VWF: variants seen among roughly 807,000 people sequenced by gnomAD.
VWF encodes von Willebrand factor, also known as Factor VIII related antigen.
VWF carries 176 observed loss-of-function variants against 308.6 expected under a neutral mutation model. That is an observed-to-expected ratio of 0.57 (90% CI 0.50 to 0.65). The LOEUF is 0.65. Among genes scored for constraint, VWF ranks in the 30% least tolerant of loss-of-function variants. VWF has a pLI of 0.00. For missense variants in VWF, 3,146 were observed against 3,648.2 expected, an observed-to-expected ratio of 0.86 and a Z score of 3.55; for synonymous variants, 1,385 against 1,443.4, an observed-to-expected ratio of 0.96 and a Z score of 0.92.
chr12:6,096,690 T>C (rs909276043), intron 5 of VWF, among the ~76,000 whole-genome samples: 2 of 152,212 alleles, frequency 1.3e-5, no homozygotes, highest in East Asian at 1.9e-4. Flanking sequence ...TTAGTACTTA[T>C]AGTGCTCATG....
At chr12:5,999,640 C>G (rs534047333) in intron 34 of VWF, among the ~76,000 whole-genome samples, 1 of 152,022 alleles carries the variant, frequency 6.6e-6, no homozygotes, top group East Asian at 1.9e-4. Flanking sequence ...AAATGAGAAC[C>G]AACACTCCTC....
At chr12:6,085,677 C>A (rs1029407376) in intron 6 of VWF, among the ~76,000 whole-genome samples, 1 of 135,808 alleles carries the variant, frequency 7.4e-6, no homozygotes, top group Admixed American at 9.0e-5. Flanking sequence ...AACACATGGA[C>A]ACAGGGAGGG....
Position 6,056,944 on chromosome 12 carries a change from C to CG in VWF, c.1857dup (p.Glu620ArgfsTer30). On this transcript the variant is annotated frameshift_variant, in exon 15 of 52. Coordinates refer to ENST00000261405, the MANE Select transcript of VWF (RefSeq NM_000552.5). LOFTEE classifies it high-confidence loss of function. ...CTGGCCAGGGCGCCGCACAGGCACTCGCGGCCGTCCGAGCAGGAGCACACG... is the reference window on the plus strand; with the variant it reads ...CTGGCCAGGGCGCCGCACAGGCACTCGGCGGCCGTCCGAGCAGGAGCACACG... 6.5e-7 allele frequency: 1 copy of CG among 1,536,774 alleles called. No individual in the cohort carries two copies. The highest frequency in any genetic ancestry group is 8.7e-7 in the Non-Finnish European group (1 of 1,146,582).
At chr12:6,081,030 G>A (rs75149116) in intron 6 of VWF, among the ~76,000 whole-genome samples, 2,116 of 152,262 alleles carry the variant, frequency 0.014, 51 homozygotes, top group African/African-American at 0.047. Flanking sequence ...CTCAGTCACG[G>A]GGGGCTATTG....
intron 19 of VWF, among the ~76,000 whole-genome samples, chr12:6,035,685 A>G (rs1214990731): frequency 6.6e-6 from 1 of 152,220 alleles, no homozygotes; most frequent in African/African-American, 2.4e-5. Context: ...GCCTGCAACG[A>G]AAGGACCCTC....
At chr12:6,079,542 AAC>A (rs1452355298) in intron 6 of VWF, among the ~76,000 whole-genome samples, 6 of 152,122 alleles carry the variant, frequency 3.9e-5, no homozygotes, top group Middle Eastern at 3.4e-3. Context: ...GCCGGGAGGC[AAC>A]GCTTGCAGTG....
chr12:6,092,673 G>GTGTGTGTGTGTGTGTGTGTGTGTGTGTA lies in VWF; in HGVS notation c.657+2786_657+2787insTACACACACACACACACACACACACACA, dbSNP rs1356836169. ...TGTGTGTGTGTGTGTGTGTGTGTGT[G>GTGTGTGTGTGTGTGTGTGTGTGTGTGTA]CTGACCAGCATTCCTTCCTGGTAAG... On this transcript the variant is annotated intron_variant, in intron 6 of 51. Coordinates refer to ENST00000261405, the MANE Select transcript of VWF (RefSeq NM_000552.5). 1.4e-4 allele frequency among the ~76,000 whole-genome samples: 17 copies of GTGTGTGTGTGTGTGTGTGTGTGTGTGTA among 123,786 alleles called. 1 individual carries two copies. The highest frequency in any genetic ancestry group is 2.7e-4 in the African/African-American group (7 of 25,982). The allele number at this position is 123,786 out of a possible 152,430, so 81.2% of individuals were successfully genotyped here.
At chr12:6,069,574 T>C (rs1343337945) in intron 10 of VWF, among the ~76,000 whole-genome samples, 2 of 152,146 alleles carry the variant, frequency 1.3e-5, no homozygotes, top group African/African-American at 4.8e-5. Context: ...TGCTGAGTCA[T>C]GGCAGGGTGT....
intron 47 of VWF, among the ~76,000 whole-genome samples, chr12:5,957,788 G>A (rs190073967): frequency 2.0e-5 from 3 of 152,276 alleles, no homozygotes; most frequent in Admixed American, 2.0e-4. Flanking sequence ...TGGAAATTCA[G>A]ATATATAAGA....
intron 16 of VWF, among the ~76,000 whole-genome samples, chr12:6,050,026 G>A (rs925022431): frequency 3.3e-5 from 5 of 152,070 alleles, no homozygotes; most frequent in Non-Finnish European, 7.4e-5. Flanking sequence ...TCACCTCCAT[G>A]TACGTCTTTC....
intron 47 of VWF, among the ~76,000 whole-genome samples, chr12:5,960,047 TTAATAATA>T (rs1306025662): frequency 1.4e-5 from 2 of 147,882 alleles, no homozygotes; most frequent in African/African-American, 4.9e-5. Flanking sequence ...CTTTGAAAGA[TTAATAATA>T]TAATAATATA....
At chr12:5,954,121 CATT>C (rs1435835397) in intron 47 of VWF, among the ~76,000 whole-genome samples, 3 of 152,312 alleles carry the variant, frequency 2.0e-5, no homozygotes, top group East Asian at 3.9e-4. Context: ...CCTCTTTCAT[CATT>C]GAGTCTAAAT....
At chr12:6,052,266 C>A (rs889160602) in intron 16 of VWF, among the ~76,000 whole-genome samples, 1 of 152,104 alleles carries the variant, frequency 6.6e-6, no homozygotes, top group Non-Finnish European at 1.5e-5. Flanking sequence ...AAAACTGAGA[C>A]CTAAAGCCCA....
In VWF at chr12:6,064,356, G is replaced by A; in HGVS notation, c.1322C>T (p.Thr441Ile). The A allele has an allele frequency of 6.2e-7, 1 of 1,614,138 alleles. No homozygotes were observed. Among genetic ancestry groups the A allele is most frequent in the Non-Finnish European group, 8.5e-7 (1 of 1,180,036 alleles). ...QCADDRDAVC[T>I]RSVTVRLPGL... ...AGGCAGCCGGACGGTGACGGAGCGG[G>A]TGCACACAGCGTCGCGGTCATCAGC... The change falls in exon 12 of 52, where the codon ACC (threonine) becomes ATC (isoleucine). Residue 441 changes from threonine to isoleucine, a missense_variant. Transcript: ENST00000261405.
chr12:5,974,636 G>C (rs546370697), intron 43 of VWF, among the ~76,000 whole-genome samples: 40 of 152,306 alleles, frequency 2.6e-4, no homozygotes, highest in African/African-American at 9.4e-4. Context: ...ATGAACCACG[G>C]ATCTGAAAAG....
Position 6,058,462 on chromosome 12 carries a change from C to A in VWF, c.1534-418G>T, listed in dbSNP as rs536467331. ...CACCAGTGGGCCTGACCCCCCCACCCAGAGTTACGTGCAAACTCAAGGCCC... is the reference window on the plus strand; with the variant it reads ...CACCAGTGGGCCTGACCCCCCCACCAAGAGTTACGTGCAAACTCAAGGCCC... On this transcript the variant is annotated intron_variant, in intron 13 of 51. Coordinates refer to ENST00000261405, the MANE Select transcript of VWF (RefSeq NM_000552.5). The surrounding 1 kb of genome is among the most constrained non-coding windows in gnomAD (Gnocchi z 4.9). Among the ~76,000 whole-genome samples the A allele has an allele frequency of 1.6e-4, 25 of 152,288 alleles. No individual in the cohort carries two copies. The highest frequency in any genetic ancestry group is 7.8e-4 in the Admixed American group (12 of 15,300).
chr12:6,103,489 T>C lies in VWF; in HGVS notation c.532+6885A>G, dbSNP rs905661859. ...ACACATATGTGTGTATATACATATA[T>C]GTGTATACACACACGTATATATATA... On this transcript the variant is annotated intron_variant, in intron 5 of 51. Coordinates refer to ENST00000261405, the MANE Select transcript of VWF (RefSeq NM_000552.5). Among the ~76,000 whole-genome samples, 4 of 125,844 alleles carry C rather than the reference T, an allele frequency of 3.2e-5. 1 individual carries two copies. The highest frequency in any genetic ancestry group is 1.6e-4 in the African/African-American group (4 of 24,360). 82.6% of individuals were successfully genotyped at this position (125,844 alleles called of 152,430 possible).
chr12:5,966,251 G>A (rs529189762), intron 47 of VWF, among the ~76,000 whole-genome samples: 2 of 148,078 alleles, frequency 1.4e-5, no homozygotes, highest in South Asian at 4.3e-4. Context: ...AAGCCCAGAT[G>A]TGTTCTAGGA....
At position 5,971,684 on chromosome 12, in the gene VWF, C is replaced by T. The variant is rs1943477890; in HGVS notation, c.7463G>A (p.Gly2488Asp). 1.9e-6 allele frequency: 3 copies of T among 1,614,120 alleles called. No individual in the cohort carries two copies. Among genetic ancestry groups the T allele is most frequent in the Admixed American group, 1.7e-5 (1 of 60,014 alleles). ...RSGFTYVLHE[G>D]ECCGRCLPSA... ...TGGCAGGCACCTTCCACAGCACTCGCCTTCATGCAGAACGTAAGTGAAGCC... is the reference window on the plus strand; with the variant it reads ...TGGCAGGCACCTTCCACAGCACTCGTCTTCATGCAGAACGTAAGTGAAGCC... Residue 2488 changes from glycine to aspartate, a missense_variant, in exon 44 of 52, where the codon GGC becomes GAC. By Grantham distance (94) the Gly-to-Asp change is moderately conservative. Around this residue, in one of 3 missense-constraint regions of VWF, gnomAD observed 989 missense variants for 1,117.4 expected, o/e 0.89. Coordinates refer to ENST00000261405, the MANE Select transcript of VWF (RefSeq NM_000552.5).
Sources: allele counts gnomAD v4.1 joint callset (sites outside exome capture counted in the v4.1 genomes callset), GRCh38; gene constraint gnomAD v4.1.1; regional missense constraint gnomAD v4.1.1; non-coding constraint Gnocchi (gnomAD v3.1); transcripts MANE v1.5; gene names NCBI Gene and HGNC (gene_info 2026-07-23, HGNC 2026-07-21).